Variants in THSD7A observed in about 807,000 individuals in gnomAD.
THSD7A encodes the protein thrombospondin type 1 domain containing 7A, also known as thrombospondin type-1 domain-containing protein 7A.
THSD7A carries 96 observed loss-of-function variants against 231.3 expected under a neutral mutation model. The ratio of observed to expected loss-of-function variants is 0.41; its 90% CI spans 0.35 to 0.49. The LOEUF (loss-of-function observed/expected upper bound fraction) is 0.49. THSD7A is among the 20% of genes least tolerant of loss of function. The pLI is 0.05. For missense variants in THSD7A, 2,290 were observed against 2,070.2 expected (o/e 1.11, Z -2.06); for synonymous variants, 940 against 743.3 (o/e 1.26, Z -4.30).
intron 1 of THSD7A, among the ~76,000 whole-genome samples, chr7:11,707,589 G>C (rs1195183799): frequency 6.6e-6 from 1 of 150,864 alleles, no homozygotes; most frequent in African/African-American, 2.4e-5. Flanking sequence ...TGCCTGGCAG[G>C]CAAAACCATC....
intron 4 of THSD7A, among the ~76,000 whole-genome samples, chr7:11,547,171 G>A (rs1331464683): frequency 6.6e-6 from 1 of 152,132 alleles, no homozygotes; most frequent in African/African-American, 2.4e-5. Flanking sequence ...ACATGGAAAT[G>A]AAAGACTGTT....
chr7:11,439,003 G>C (rs1160813375), intron 13 of THSD7A, among the ~76,000 whole-genome samples: 2 of 151,628 alleles, frequency 1.3e-5, no homozygotes, highest in Non-Finnish European at 1.5e-5. Flanking sequence ...TTTTCTTCAA[G>C]CACAAAAAGT....
chr7:11,401,219 G>T (rs952721999), intron 23 of THSD7A, among the ~76,000 whole-genome samples: 6 of 151,950 alleles, frequency 3.9e-5, no homozygotes, highest in African/African-American at 1.5e-4. Context: ...GATCATAATT[G>T]TTATAAGCGT....
At chr7:11,689,817 A>T (rs935754906) in intron 1 of THSD7A, among the ~76,000 whole-genome samples, 1 of 151,190 alleles carries the variant, frequency 6.6e-6, no homozygotes, top group Non-Finnish European at 1.5e-5. Context: ...TAGTTAAAAA[A>T]AAAAAAAAAA....
Position 11,831,845 on chromosome 7 carries a change from C to CAGCGGT in THSD7A, c.101_102insACCGCT (p.Pro33_Leu34dup). 8.0e-7 allele frequency: 1 copy of CAGCGGT among 1,244,258 alleles called. No individual in the cohort carries two copies. The highest frequency in any genetic ancestry group is 2.9e-5 in the South Asian group (1 of 33,922). The allele number at this position is 1,244,258 out of a possible 1,614,324, so 77.1% of individuals were successfully genotyped here. On this transcript the variant is annotated inframe_insertion, in exon 1 of 28. Transcript: ENST00000423059. The surrounding 1 kb of genome is among the most constrained non-coding windows in gnomAD (Gnocchi z 5.0). ...CCGGGCGTAGCAGCAGCAGCAGGAG[C>CAGCGGT]AGCGGCAGCGGCAGCGGCAGCGGCA...
Position 11,636,678 on chromosome 7 carries a change from T to A in THSD7A, c.474A>T (p.Ile158=). 6.2e-7 allele frequency: 1 copy of A among 1,614,038 alleles called. No homozygotes were observed. Among genetic ancestry groups the A allele is most frequent in the African/African-American group, 1.3e-5 (1 of 75,042 alleles). ...KGEEGIQVRE[I]ACIQKDKDIP... is the part of the protein sequence containing the mutation. ...TGTCTTTGTCTTTCTGGATGCACGC[T>A]ATCTCCCTCACCTGAATACCTTCTT... The change falls in exon 2 of 28, where the codon ATA becomes ATT. Residue 158 remains isoleucine, a synonymous_variant. Coordinates refer to ENST00000423059, the MANE Select transcript of THSD7A (RefSeq NM_015204.3). This position sits in a 1 kb window ranked among gnomAD's most constrained non-coding sequence, Gnocchi z 10.0.
chr7:11,648,730 A>C (rs1301594172), intron 1 of THSD7A, among the ~76,000 whole-genome samples: 1 of 150,350 alleles, frequency 6.7e-6, no homozygotes, highest in Non-Finnish European at 1.5e-5. Flanking sequence ...GTATGGCCTT[A>C]CTCCCAAATC....
At chr7:11,779,606 A>T (rs981687021) in intron 1 of THSD7A, among the ~76,000 whole-genome samples, 2 of 152,194 alleles carry the variant, frequency 1.3e-5, no homozygotes, top group Non-Finnish European at 2.9e-5. Flanking sequence ...ACTTACATCC[A>T]AAGTGTATTT....
chr7:11,529,717 A>G (rs1213759152), intron 6 of THSD7A, among the ~76,000 whole-genome samples: 8 of 152,168 alleles, frequency 5.3e-5, no homozygotes, highest in Non-Finnish European at 1.2e-4. Flanking sequence ...TATGTGAGCC[A>G]ATTAAACCTC....
rs140094706 is a variant in THSD7A at position 11,597,071 on chromosome 7, G to A, written c.1023-3569C>T. 2.9e-3 allele frequency among the ~76,000 whole-genome samples: 446 copies of A among 152,316 alleles called. 1 individual carries two copies. The highest frequency in any genetic ancestry group is 4.8e-3 in the Non-Finnish European group (326 of 68,040). On this transcript the variant is annotated intron_variant, in intron 2 of 27. Transcript: ENST00000423059. ...TGGTCCATTACATTGATGACATTAT[G>A]CTGATTAGATCCAGTGAGATCTAGT... is the stretch of plus-strand genomic sequence containing the variant.
chr7:11,711,051 C>A (rs62433390), intron 1 of THSD7A, among the ~76,000 whole-genome samples: 15,888 of 150,762 alleles, frequency 0.11, 865 homozygotes, highest in African/African-American at 0.13. Flanking sequence ...ATATTATGTC[C>A]TTTGTAGATA....
chr7:11,543,944 G>C (rs945729976), intron 4 of THSD7A, among the ~76,000 whole-genome samples: 1 of 152,000 alleles, frequency 6.6e-6, no homozygotes, highest in Non-Finnish European at 1.5e-5. Flanking sequence ...AAACTATATG[G>C]ACAGAGGAAG....
intron 1 of THSD7A, among the ~76,000 whole-genome samples, chr7:11,819,019 C>T (rs901861663): frequency 6.6e-6 from 1 of 152,098 alleles, no homozygotes; most frequent in Non-Finnish European, 1.5e-5. Context: ...ACTATTACTC[C>T]TACAATTAAA....
chr7:11,541,868 C>T (rs183651045), intron 5 of THSD7A, among the ~76,000 whole-genome samples: 1 of 152,242 alleles, frequency 6.6e-6, no homozygotes, highest in East Asian at 1.9e-4. Context: ...TTTTAGCTTA[C>T]TACTGCAAAG....
At chr7:11,584,318 T>C (rs974214786) in intron 4 of THSD7A, among the ~76,000 whole-genome samples, 3 of 152,122 alleles carry the variant, frequency 2.0e-5, no homozygotes, top group African/African-American at 7.2e-5. Flanking sequence ...TAATACATAA[T>C]TATACAAATA....
chr7:11,701,652 C>A (rs1017072196), intron 1 of THSD7A, among the ~76,000 whole-genome samples: 1 of 150,960 alleles, frequency 6.6e-6, no homozygotes, highest in South Asian at 2.1e-4. Flanking sequence ...AATGCAGATT[C>A]TAATTTATAA....
At chr7:11,517,848 T>A (rs1788098272) in intron 6 of THSD7A, among the ~76,000 whole-genome samples, 1 of 152,224 alleles carries the variant, frequency 6.6e-6, no homozygotes, top group African/African-American at 2.4e-5. Context: ...AATTTAACAT[T>A]TATAACTGAA....
intron 13 of THSD7A, among the ~76,000 whole-genome samples, chr7:11,443,995 G>A (rs563555170): frequency 6.6e-6 from 1 of 152,184 alleles, no homozygotes; most frequent in South Asian, 2.1e-4. Context: ...CAAAGGATAT[G>A]AACAGGCAGT....
At chr7:11,525,445 C>T (rs1310453337) in intron 6 of THSD7A, among the ~76,000 whole-genome samples, 1 of 152,030 alleles carries the variant, frequency 6.6e-6, no homozygotes, top group Non-Finnish European at 1.5e-5. Context: ...AGATCAATTT[C>T]CAAAACATGA....
Sources: gnomAD v4.1 joint callset for allele counts (sites outside exome capture counted in the v4.1 genomes callset) on GRCh38, gnomAD v4.1.1 for gene constraint, Gnocchi (gnomAD v3.1) non-coding constraint, MANE v1.5 for transcripts, NCBI Gene and HGNC (gene_info 2026-07-23, HGNC 2026-07-21) for gene names.